ROBO1: variants seen among roughly 807,000 people sequenced by gnomAD.
ROBO1 encodes the protein roundabout guidance receptor 1.
ROBO1 carries 149 observed loss-of-function variants against 195.9 expected under a neutral mutation model. The ratio of observed to expected loss-of-function variants is 0.76; its 90% confidence interval spans 0.67 to 0.87. The LOEUF is 0.87. Among genes scored for constraint, ROBO1 ranks in the 40% least tolerant of loss-of-function variants. ROBO1 has a pLI of 0.00. For synonymous variants in ROBO1, 816 were observed against 733.2 expected (o/e 1.11, Z -1.82); for missense variants, 1,933 against 2,068.3 (o/e 0.93, Z 1.27).
chr3:78,971,741 A>ATTT (rs563155914), intron 3 of ROBO1, among the ~76,000 whole-genome samples: 18 of 151,274 alleles, frequency 1.2e-4, no homozygotes, highest in Admixed American at 9.9e-4. Context: ...TCTTTTAAAT[A>ATTT]TTTTTTTTGT....
intron 1 of ROBO1, among the ~76,000 whole-genome samples, chr3:79,639,965 G>T (rs1945608383): frequency 6.6e-6 from 1 of 152,104 alleles, no homozygotes; most frequent in African/African-American, 2.4e-5. Context: ...AGTTAAAATA[G>T]ATTTTTTTCT....
chr3:79,300,454 C>G (rs756606060), intron 2 of ROBO1, among the ~76,000 whole-genome samples: 1 of 152,230 alleles, frequency 6.6e-6, no homozygotes, highest in Admixed American at 6.5e-5. Flanking sequence ...GCTGCCTTCC[C>G]GCGGGGCAGG....
chr3:78,804,580 C>T (rs2108592874), intron 4 of ROBO1, among the ~76,000 whole-genome samples: 1 of 151,994 alleles, frequency 6.6e-6, no homozygotes, highest in Non-Finnish European at 1.5e-5. Flanking sequence ...TCCATCATCC[C>T]CCACTTCTTT....
intron 3 of ROBO1, among the ~76,000 whole-genome samples, chr3:79,111,957 A>G (rs2079894637): frequency 6.6e-6 from 1 of 152,174 alleles, no homozygotes; most frequent in Non-Finnish European, 1.5e-5. Context: ...CCAAAGCAAG[A>G]TGTTTTTCTA....
chr3:79,020,219 C>A (rs548422992), intron 3 of ROBO1, among the ~76,000 whole-genome samples: 3 of 152,300 alleles, frequency 2.0e-5, no homozygotes, highest in South Asian at 4.1e-4. Context: ...ACTCAGTATA[C>A]CCGCCCTGAA....
chr3:79,377,492 A>G (rs2036425787), intron 2 of ROBO1, among the ~76,000 whole-genome samples: 1 of 152,244 alleles, frequency 6.6e-6, no homozygotes, highest in South Asian at 2.1e-4. Context: ...GATGAACAGA[A>G]AAACCATTTC....
chr3:79,707,401 GCTATA>G (rs1267665499), intron 1 of ROBO1, among the ~76,000 whole-genome samples: 1 of 152,018 alleles, frequency 6.6e-6, no homozygotes, highest in African/African-American at 2.4e-5. Flanking sequence ...TAGTAGCGTA[GCTATA>G]CGTTTATAAA....
chr3:79,440,944 T>C (rs930481563), intron 2 of ROBO1, among the ~76,000 whole-genome samples: 1 of 152,138 alleles, frequency 6.6e-6, no homozygotes. Flanking sequence ...AACAGATGAA[T>C]GACCCAGTTT....
intron 2 of ROBO1, among the ~76,000 whole-genome samples, chr3:79,209,462 TG>T (rs1168676742): frequency 6.6e-5 from 10 of 151,564 alleles, no homozygotes; most frequent in Non-Finnish European, 1.0e-4. Context: ...CATGTGCAAG[TG>T]TTTTTTTTAT....
rs138527299 is a variant in ROBO1 at position 78,711,440 on chromosome 3, TTTCC to T, written c.1045+2953_1045+2956del. 9.6e-3 allele frequency among the ~76,000 whole-genome samples: 398 copies of T among 41,568 alleles called. 5 individuals carry two copies. The highest frequency in any genetic ancestry group is 0.012 in the East Asian group (27 of 2,174). The allele number at this position is 41,568 out of a possible 152,430, so 27.3% of individuals were successfully genotyped here. A position where few individuals can be genotyped will look rare whatever the true frequency, so the allele number is the denominator to read the frequency against. On this transcript the variant is annotated intron_variant, in intron 8 of 30. Coordinates refer to ENST00000464233, the MANE Select transcript of ROBO1 (RefSeq NM_002941.4). ...CTTTCTTTCTTTCTTTCTTTCTTTCTTTCCTTCCTTCCTTCCTTCCTTCCTTTTC... is the reference window on the plus strand; with the variant it reads ...CTTTCTTTCTTTCTTTCTTTCTTTCTTTCCTTCCTTCCTTCCTTCCTTTTC...
At chr3:78,628,107 C>A (rs934203305) in intron 25 of ROBO1, among the ~76,000 whole-genome samples, 6 of 152,092 alleles carry the variant, frequency 3.9e-5, no homozygotes, top group Admixed American at 2.0e-4. Context: ...GTGCTCATCA[C>A]CATGCCCAGT....
At chr3:79,299,936 T>C (rs116208579) in intron 2 of ROBO1, among the ~76,000 whole-genome samples, 3,751 of 151,422 alleles carry the variant, frequency 0.025, 83 homozygotes, top group Middle Eastern at 0.038. Flanking sequence ...AAAAAGGAAA[T>C]AGAATCAAAG....
chr3:78,668,358 G>A (rs2255164), intron 12 of ROBO1, 56 bp from the exon 13 acceptor site: 781,278 of 1,597,854 alleles, frequency 0.49, 194,176 homozygotes, highest in Middle Eastern at 0.54. Flanking sequence ...ACAGATAAGC[G>A]GATAAATGCA....
In ROBO1 at chr3:78,718,804, A is replaced by AGGG. The variant is rs1559783405; in HGVS notation, c.658-922_658-921insCCC. On this transcript the variant is annotated intron_variant, in intron 5 of 30. Coordinates refer to ENST00000464233, the MANE Select transcript of ROBO1 (RefSeq NM_002941.4). ...GGAAGAAGGAAGGAAGGAAGGAAGG[A>AGGG]AGGGAGGGAGGGAGAGAGGGAGAGA... Among the ~76,000 whole-genome samples the AGGG allele has an allele frequency of 7.1e-3, 544 of 76,096 alleles. 7 individuals are homozygous for AGGG. Among genetic ancestry groups the AGGG allele is most frequent in the African/African-American group, 0.021 (469 of 22,048 alleles). 49.9% of individuals were successfully genotyped at this position (76,096 alleles called of 152,430 possible).
chr3:79,629,350 C>T (rs1232752641), intron 1 of ROBO1, among the ~76,000 whole-genome samples: 11 of 151,714 alleles, frequency 7.3e-5, no homozygotes, highest in African/African-American at 2.7e-4. Flanking sequence ...CAAGAGGAAC[C>T]CTCAAAACTA....
chr3:79,495,681 C>G (rs1939690777), intron 2 of ROBO1, among the ~76,000 whole-genome samples: 1 of 152,126 alleles, frequency 6.6e-6, no homozygotes, highest in Non-Finnish European at 1.5e-5. Context: ...TAAAATGATA[C>G]TTTCCAAAAC....
intron 2 of ROBO1, among the ~76,000 whole-genome samples, chr3:79,243,551 C>T (rs1328530752): frequency 0.018 from 2,747 of 151,948 alleles, 77 homozygotes; most frequent in African/African-American, 0.061. Flanking sequence ...TGGTATCTCA[C>T]TGTGGTTTTG....
At chr3:78,944,526 G>C (rs114621579) in intron 3 of ROBO1, among the ~76,000 whole-genome samples, 3,899 of 152,232 alleles carry the variant, frequency 0.026, 153 homozygotes, top group African/African-American at 0.087. Flanking sequence ...AAATAAATGT[G>C]GAGGGAGGAG....
chr3:79,001,039 C>T (rs2077489941), intron 3 of ROBO1, among the ~76,000 whole-genome samples: 1 of 152,026 alleles, frequency 6.6e-6, no homozygotes, highest in Non-Finnish European at 1.5e-5. Context: ...CCAAACACCG[C>T]ATGTTCTCAC....
Sources: allele counts gnomAD v4.1 joint callset (sites outside exome capture counted in the v4.1 genomes callset), GRCh38; gene constraint gnomAD v4.1.1; transcripts MANE v1.5; gene names NCBI Gene and HGNC (gene_info 2026-07-23, HGNC 2026-07-21).